The following GLDC variants were observed in gnomAD, a reference collection of about 807,000 sequenced individuals.
The protein encoded by GLDC is glycine dehydrogenase (decarboxylating), mitochondrial.
GLDC carries 104 observed loss-of-function variants against 121.3 expected under a neutral mutation model. The observed-to-expected ratio is 0.86, with a 90% CI of 0.73 to 1.01. The LOEUF (loss-of-function observed/expected upper bound fraction) is 1.01. GLDC is among the 50% of genes least tolerant of loss of function. The probability of loss-of-function intolerance (pLI) is 0.00; values close to 1 mark genes in which losing one functional copy is unlikely to be tolerated. For missense variants in GLDC, 1,429 were observed against 1,306.6 expected (o/e 1.09, Z -1.44); for synonymous variants, 546 against 480.6 (o/e 1.14, Z -1.78).
intron 15 of GLDC, among the ~76,000 whole-genome samples, chr9:6,576,100 C>T (rs148754621): frequency 6.6e-6 from 1 of 152,284 alleles, no homozygotes; most frequent in African/African-American, 2.4e-5. Context: ...TTGGCTACAT[C>T]AAGCAAAGTT....
chr9:6,555,329 C>A (rs12379309), intron 18 of GLDC, among the ~76,000 whole-genome samples: 1 of 152,216 alleles, frequency 6.6e-6, no homozygotes, highest in Non-Finnish European at 1.5e-5. Flanking sequence ...TGCCATCCCA[C>A]TAGCCTTCCC....
chr9:6,545,705 A>G lies in GLDC; in HGVS notation c.2569+5098T>C, dbSNP rs529468245. Among the ~76,000 whole-genome samples, 21 of 152,282 alleles carry G rather than the reference A, an allele frequency of 1.4e-4. 1 individual carries two copies. The South Asian group carries it at 2.7e-3, about 20-fold the overall frequency. Reference sequence around the variant, plus strand: ...GCCCAGGCTGGAGTGCAGTGGCGCAATCTCGGCTCACTGCAGCCTCCTATT... The same window carrying G: ...GCCCAGGCTGGAGTGCAGTGGCGCAGTCTCGGCTCACTGCAGCCTCCTATT... On this transcript the variant is annotated intron_variant, in intron 21 of 24. Transcript: ENST00000321612.
At chr9:6,606,468 T>A (rs1322456068) in intron 5 of GLDC, 124 bp downstream of exon 5, 1 of 758,902 alleles carries the variant, frequency 1.3e-6, no homozygotes, top group East Asian at 2.5e-5. Flanking sequence ...GCAACCCCAA[T>A]TTAAACAGCA....
At chr9:6,561,051 C>T (rs1258822910) in intron 16 of GLDC, among the ~76,000 whole-genome samples, 16 of 152,190 alleles carry the variant, frequency 1.1e-4, no homozygotes, top group African/African-American at 3.4e-4. Flanking sequence ...CCCTGTCTCC[C>T]CCAGAAGGAA....
chr9:6,598,394 G>A (rs774016562), intron 8 of GLDC, among the ~76,000 whole-genome samples: 9 of 152,104 alleles, frequency 5.9e-5, no homozygotes, highest in African/African-American at 2.4e-5. Flanking sequence ...ACTCCCTATA[G>A]AAAAATTTAT....
intron 2 of GLDC, chr9:6,622,678 G>A: frequency 4.8e-6 from 1 of 209,348 alleles, no homozygotes; most frequent in South Asian, 6.2e-5. Context: ...TCTGGGAAGT[G>A]AGGAGCCTCT....
chr9:6,609,333 T>C (rs1180429756), intron 4 of GLDC, among the ~76,000 whole-genome samples: 1 of 152,138 alleles, frequency 6.6e-6, no homozygotes, highest in Admixed American at 6.5e-5. Flanking sequence ...AAATAAACTA[T>C]ATGTGTAATA....
At chr9:6,629,334 C>T (rs1442180656) in intron 2 of GLDC, among the ~76,000 whole-genome samples, 1 of 151,688 alleles carries the variant, frequency 6.6e-6, no homozygotes, top group Non-Finnish European at 1.5e-5. Flanking sequence ...CCTGCCTCAG[C>T]CTCCCGAGTA....
chr9:6,606,531 AG>A, intron 5 of GLDC, 60 bp downstream of exon 5: 1 of 997,994 alleles, frequency 1.0e-6, no homozygotes, highest in Non-Finnish European at 1.6e-6. Context: ...AGAAAGAGAA[AG>A]AAACAGCAGA....
intron 15 of GLDC, among the ~76,000 whole-genome samples, chr9:6,571,926 A>C (rs895394057): frequency 6.6e-6 from 1 of 152,208 alleles, no homozygotes; most frequent in African/African-American, 2.4e-5. Context: ...ATTTTTGACA[A>C]AGTTGCAAAA....
chr9:6,632,866 G>A lies in GLDC; in HGVS notation c.334+11748C>T, dbSNP rs149788250. Among the ~76,000 whole-genome samples, 10 of 152,268 alleles carry A rather than the reference G, an allele frequency of 6.6e-5. No individual in the cohort carries two copies. The East Asian group carries it at 1.7e-3, about 26-fold the overall frequency. The stretch of plus-strand genomic sequence containing the variant: ...TCCTGCTTCCAAGTCACTGACTGAT[G>A]GTGGGGTGGAGGACACTCAAACAGG... On this transcript the variant is annotated intron_variant, in intron 2 of 24. Transcript: ENST00000321612.
At chr9:6,632,585 T>C (rs1169165210) in intron 2 of GLDC, among the ~76,000 whole-genome samples, 1 of 152,256 alleles carries the variant, frequency 6.6e-6, no homozygotes, top group Admixed American at 6.5e-5. Context: ...GGCACAGTGC[T>C]ATTTGATGGA....
chr9:6,629,957 A>ATATTTTTT, intron 2 of GLDC, among the ~76,000 whole-genome samples: 1 of 83,092 alleles, frequency 1.2e-5, no homozygotes, highest in African/African-American at 6.9e-5. Flanking sequence ...ATATATATAT[A>ATATTTTTT]TTTTTTTTTT....
intron 2 of GLDC, chr9:6,639,383 T>C: frequency 2.3e-6 from 2 of 882,744 alleles, no homozygotes; most frequent in Non-Finnish European, 3.6e-6. Flanking sequence ...AAGTTTACGC[T>C]GACCACTGAG....
chr9:6,535,906 G>A, intron 23 of GLDC, 158 bp downstream of exon 23: 1 of 716,418 alleles, frequency 1.4e-6, no homozygotes, highest in Non-Finnish European at 2.5e-6. Flanking sequence ...CAAGACGATG[G>A]AAACTTCAAA....
intron 4 of GLDC, among the ~76,000 whole-genome samples, chr9:6,609,920 T>C (rs1019667596): frequency 5.9e-5 from 9 of 151,970 alleles, no homozygotes; most frequent in African/African-American, 1.2e-4. Flanking sequence ...TCACCAAATA[T>C]GCAGATGTCT....
At chr9:6,623,929 C>A (rs1247335575) in intron 2 of GLDC, among the ~76,000 whole-genome samples, 1 of 152,206 alleles carries the variant, frequency 6.6e-6, no homozygotes, top group East Asian at 1.9e-4. Flanking sequence ...GTAGGCGAGT[C>A]CGGCTTCAAT....
intron 17 of GLDC, among the ~76,000 whole-genome samples, chr9:6,556,534 C>T (rs1351679945): frequency 6.6e-5 from 10 of 152,128 alleles, no homozygotes; most frequent in Admixed American, 4.6e-4. Flanking sequence ...GGCTCATGCC[C>T]GTAATCCCGG....
intron 15 of GLDC, among the ~76,000 whole-genome samples, chr9:6,577,195 C>T (rs1206857652): frequency 2.6e-5 from 4 of 152,210 alleles, no homozygotes; most frequent in Non-Finnish European, 5.9e-5. Flanking sequence ...CAGATGCAGG[C>T]CTGAAAGTTA....
Sources: allele counts gnomAD v4.1 joint callset (sites outside exome capture counted in the v4.1 genomes callset), GRCh38; gene constraint gnomAD v4.1.1; transcripts MANE v1.5; gene names NCBI Gene and HGNC (gene_info 2026-07-23, HGNC 2026-07-21).